Variants in EPB41L4A observed in about 807,000 individuals in gnomAD.
EPB41L4A encodes the protein erythrocyte membrane protein band 4.1 like 4A, also known as band 4.1-like protein 4A.
In EPB41L4A, 100 loss-of-function variants were observed where a neutral mutation model predicts 108.6. That is an observed-to-expected ratio of 0.92 (90% CI 0.78 to 1.09). The LOEUF is 1.09. EPB41L4A is among the 50% of genes least tolerant of loss of function. The pLI is 0.00. For synonymous variants in EPB41L4A, 319 were observed against 289.0 expected (o/e 1.10, Z -1.05); for missense variants, 1,030 against 842.7 (o/e 1.22, Z -2.75).
At position 112,419,131 on chromosome 5, in the gene EPB41L4A, T is replaced by C. The variant is rs565057370; in HGVS notation, c.-92A>G. On this transcript the variant is annotated 5_prime_UTR_variant, in exon 1 of 23. Coordinates refer to ENST00000261486, the MANE Select transcript of EPB41L4A (RefSeq NM_022140.5). ...TCAAGCGCGATGCATTAATTTATTG[T>C]CCGCGCCGTGGCGAGGGTGAGACGA... is the stretch of plus-strand genomic sequence containing the variant. The C allele has an allele frequency of 3.1e-4, 301 of 965,656 alleles. No homozygotes were observed. In the African/African-American group the frequency reaches 4.6e-3, roughly 15 times the overall value. The allele number at this position is 965,656 out of a possible 1,614,324, so 59.8% of individuals were successfully genotyped here. A position where few individuals can be genotyped will look rare whatever the true frequency, so the allele number is the denominator to read the frequency against.
intron 4 of EPB41L4A, among the ~76,000 whole-genome samples, chr5:112,273,656 C>G (rs1752421236): frequency 6.6e-6 from 1 of 152,194 alleles, no homozygotes; most frequent in Non-Finnish European, 1.5e-5. Flanking sequence ...ACAGGTACAT[C>G]TCCAGTTTTA....
chr5:112,349,109 T>C (rs1438981290), intron 1 of EPB41L4A, among the ~76,000 whole-genome samples: 1 of 152,096 alleles, frequency 6.6e-6, no homozygotes, highest in Non-Finnish European at 1.5e-5. Context: ...CATCGGAAGG[T>C]TGGTGATGAC....
chr5:112,302,190 C>T (rs1754404440), intron 2 of EPB41L4A, among the ~76,000 whole-genome samples: 1 of 152,060 alleles, frequency 6.6e-6, no homozygotes, highest in African/African-American at 2.4e-5. Context: ...CCTAAAATTA[C>T]ACACGAGTAC....
At chr5:112,412,635 T>A (rs573927288) in intron 1 of EPB41L4A, among the ~76,000 whole-genome samples, 1 of 152,142 alleles carries the variant, frequency 6.6e-6, no homozygotes, top group South Asian at 2.1e-4. Context: ...TCTTAACATA[T>A]GAAACGTGGA....
At chr5:112,231,142 G>C (rs1333857384) in intron 12 of EPB41L4A, among the ~76,000 whole-genome samples, 1 of 152,170 alleles carries the variant, frequency 6.6e-6, no homozygotes, top group African/African-American at 2.4e-5. Flanking sequence ...TTTTGAAACA[G>C]CTTAAATATC....
intron 9 of EPB41L4A, among the ~76,000 whole-genome samples, chr5:112,255,770 C>T (rs987796233): frequency 3.9e-5 from 6 of 152,096 alleles, no homozygotes; most frequent in Non-Finnish European, 7.4e-5. Context: ...TCTGCTCAGA[C>T]GTTGGTACTA....
At chr5:112,240,684 T>C (rs780515190) in intron 10 of EPB41L4A, 35 bp downstream of exon 10, 4 of 1,194,302 alleles carry the variant, frequency 3.3e-6, no homozygotes, top group Non-Finnish European at 4.7e-6. Flanking sequence ...TTTTCATTTA[T>C]TAAGACAACA....
chr5:112,268,358 A>T (rs1752013575), intron 4 of EPB41L4A, among the ~76,000 whole-genome samples: 2 of 152,188 alleles, frequency 1.3e-5, no homozygotes, highest in Admixed American at 1.3e-4. Context: ...AGCCTGGGTG[A>T]CAGAGCAAGA....
intron 2 of EPB41L4A, among the ~76,000 whole-genome samples, chr5:112,290,392 A>G (rs1448309083): frequency 6.6e-6 from 1 of 152,160 alleles, no homozygotes. Context: ...TGCATCTAAT[A>G]GGCTGTTTCA....
intron 1 of EPB41L4A, among the ~76,000 whole-genome samples, chr5:112,375,047 C>A (rs1759724893): frequency 6.6e-6 from 1 of 152,176 alleles, no homozygotes. Flanking sequence ...CTAATCTCCA[C>A]CCCAGATCAG....
chr5:112,394,289 G>A (rs1761173651), intron 1 of EPB41L4A, among the ~76,000 whole-genome samples: 1 of 152,152 alleles, frequency 6.6e-6, no homozygotes, highest in East Asian at 1.9e-4. Context: ...AGGAAAAGAG[G>A]AAGTCAAATT....
rs556046556 is a variant in EPB41L4A at position 112,372,320 on chromosome 5, T to C, written c.99+46621A>G. 3.5e-4 allele frequency among the ~76,000 whole-genome samples: 53 copies of C among 152,302 alleles called. 2 individuals are homozygous for C. In the South Asian group the frequency reaches 0.011, roughly 31 times the overall value. On this transcript the variant is annotated intron_variant, in intron 1 of 22. Transcript: ENST00000261486. ...AGATTTCATGAAAACTCACTCATTA[T>C]CATGAGAACAGCATAGGGAAAACCG...
intron 4 of EPB41L4A, among the ~76,000 whole-genome samples, chr5:112,266,900 G>A (rs1048775086): frequency 2.6e-5 from 4 of 152,272 alleles, no homozygotes; most frequent in Admixed American, 1.3e-4. Context: ...AGTAATTTAT[G>A]TATAACAACT....
At chr5:112,395,247 G>A (rs1761251604) in intron 1 of EPB41L4A, among the ~76,000 whole-genome samples, 1 of 152,174 alleles carries the variant, frequency 6.6e-6, no homozygotes, top group Admixed American at 6.5e-5. Flanking sequence ...TGACAAATGG[G>A]ATCTAATGAA....
At chr5:112,418,104 A>G (rs1762817200) in intron 1 of EPB41L4A, among the ~76,000 whole-genome samples, 1 of 152,146 alleles carries the variant, frequency 6.6e-6, no homozygotes, top group South Asian at 2.1e-4. Context: ...AAAATGCCTT[A>G]GCGATCTAAA....
At chr5:112,294,285 T>C (rs1191147364) in intron 2 of EPB41L4A, among the ~76,000 whole-genome samples, 2 of 151,954 alleles carry the variant, frequency 1.3e-5, no homozygotes, top group East Asian at 1.9e-4. Flanking sequence ...CATGCAGGCG[T>C]GGGAAGGGGA....
chr5:112,380,329 A>C (rs1760087541), intron 1 of EPB41L4A, among the ~76,000 whole-genome samples: 2 of 152,306 alleles, frequency 1.3e-5, no homozygotes, highest in South Asian at 4.1e-4. Context: ...GTTCAATAAA[A>C]CTATTTTATT....
chr5:112,390,757 T>C (rs1760882575), intron 1 of EPB41L4A, among the ~76,000 whole-genome samples: 1 of 152,228 alleles, frequency 6.6e-6, no homozygotes, highest in Admixed American at 6.5e-5. Context: ...AGTGGATCCC[T>C]GACCCCCATG....
intron 1 of EPB41L4A, among the ~76,000 whole-genome samples, chr5:112,320,686 G>A (rs1357582257): frequency 1.3e-5 from 2 of 152,128 alleles, no homozygotes; most frequent in East Asian, 1.9e-4. Flanking sequence ...TTCCACTGAC[G>A]TATTTAAGAC....
Sources: allele counts gnomAD v4.1 joint callset (sites outside exome capture counted in the v4.1 genomes callset), GRCh38; gene constraint gnomAD v4.1.1; transcripts MANE v1.5; gene names NCBI Gene and HGNC (gene_info 2026-07-23, HGNC 2026-07-21).